TNK2: variants seen among roughly 807,000 people sequenced by gnomAD.
The protein encoded by TNK2 is tyrosine kinase non receptor 2.
TNK2 carries 83 observed loss-of-function variants against 101.8 expected under a neutral mutation model. That is an observed-to-expected ratio of 0.82 (90% CI 0.68 to 0.98). TNK2 has a LOEUF of 0.98. Among genes scored for constraint, TNK2 ranks in the 50% least tolerant of loss-of-function variants. The pLI, the probability that TNK2 is intolerant of heterozygous loss-of-function variation, is 0.00. For missense variants in TNK2, 1,665 were observed against 1,483.2 expected, an observed-to-expected ratio of 1.12 and a Z score of -2.01; for synonymous variants, 804 against 633.0, an observed-to-expected ratio of 1.27 and a Z score of -4.06.
At position 195,886,862 on chromosome 3, in the gene TNK2, G is replaced by T. The variant is rs1755842575; in HGVS notation, c.234+115C>A. The T allele has an allele frequency of 2.6e-6, 3 of 1,166,064 alleles. No individual in the cohort carries two copies. The highest frequency in any genetic ancestry group is 1.7e-5 in the Admixed American group (1 of 58,106). 72.2% of individuals were successfully genotyped at this position (1,166,064 alleles called of 1,614,324 possible). A position where few individuals can be genotyped will look rare whatever the true frequency, so the allele number is the denominator to read the frequency against. On this transcript the variant is annotated intron_variant, in intron 3 of 15. Coordinates refer to ENST00000672887, the MANE Select transcript of TNK2 (RefSeq NM_001382273.1). The surrounding 1 kb of genome is among the most constrained non-coding windows in gnomAD (Gnocchi z 4.2). Reference sequence around the variant, plus strand: ...CGAGGGGGTCCTGTACAAAGTGCCGGCAGAACGGCGAGATTCGACCTGCCG... The same window carrying T: ...CGAGGGGGTCCTGTACAAAGTGCCGTCAGAACGGCGAGATTCGACCTGCCG...
chr3:195,869,622 G>A (rs1743518033), intron 11 of TNK2, 81 bp from the exon 12 acceptor site: 5 of 1,372,728 alleles, frequency 3.6e-6, no homozygotes, highest in Admixed American at 2.0e-5. Flanking sequence ...GGACGAGAGG[G>A]CAGAGTGTAG....
At chr3:195,892,022 G>A (rs1057169926) in intron 1 of TNK2, 9 of 1,027,372 alleles carry the variant, frequency 8.8e-6, no homozygotes, top group African/African-American at 5.1e-5. Context: ...TGAGGCAAGC[G>A]GTCAGGGTCT....
At chr3:195,890,921 C>T (rs1758160757) in intron 1 of TNK2, among the ~76,000 whole-genome samples, 1 of 152,160 alleles carries the variant, frequency 6.6e-6, no homozygotes, top group Non-Finnish European at 1.5e-5. Context: ...CACGGTGTTT[C>T]CACCTGAGGT....
chr3:195,871,690 C>T (rs918789044), intron 10 of TNK2, among the ~76,000 whole-genome samples: 3 of 152,212 alleles, frequency 2.0e-5, no homozygotes, highest in African/African-American at 7.2e-5. Context: ...AGGAGTCCAT[C>T]CTCAGAAGCT....
At position 195,882,919 on chromosome 3, in the gene TNK2, ATGGGAGTAACTCTCT is replaced by A. The variant is rs1354063410; in HGVS notation, c.609+223_609+237del. 6.6e-6 allele frequency among the ~76,000 whole-genome samples: 1 copy of A among 152,146 alleles called. No homozygotes were observed. The highest frequency in any genetic ancestry group is 1.5e-5 in the Non-Finnish European group (1 of 67,998). Reference sequence around the variant, plus strand: ...TTAAACTCAGTGGCCAGCCCCTCCCATGGGAGTAACTCTCTTGACACTGAGCACCAGCAAAATCCA... The same window carrying A: ...TTAAACTCAGTGGCCAGCCCCTCCCATGACACTGAGCACCAGCAAAATCCA... On this transcript the variant is annotated intron_variant, in intron 5 of 15. Coordinates refer to ENST00000672887, the MANE Select transcript of TNK2 (RefSeq NM_001382273.1). The surrounding 1 kb of genome is among the most constrained non-coding windows in gnomAD (Gnocchi z 4.2).
chr3:195,897,474 T>C (rs565224928), intron 1 of TNK2, among the ~76,000 whole-genome samples: 79 of 152,278 alleles, frequency 5.2e-4, no homozygotes, highest in Admixed American at 2.5e-3. Flanking sequence ...AGGCCCATGG[T>C]CCAGCCCTGA....
At chr3:195,890,480 A>AGAGT (rs1491309306) in intron 1 of TNK2, among the ~76,000 whole-genome samples, 2 of 142,876 alleles carry the variant, frequency 1.4e-5, no homozygotes, top group Non-Finnish European at 3.0e-5. Context: ...TTTTTGAGAC[A>AGAGT]GAGTGAGACT....
intron 9 of TNK2, 119 bp from the exon 10 acceptor site, chr3:195,872,589 A>C: frequency 9.2e-7 from 1 of 1,087,116 alleles, no homozygotes. Context: ...CCTCAGGACC[A>C]GGCTGTGTGC....
At chr3:195,871,537 AGGGTCACAGG>A (rs373014069) in intron 10 of TNK2, among the ~76,000 whole-genome samples, 6 of 152,140 alleles carry the variant, frequency 3.9e-5, no homozygotes, top group African/African-American at 1.4e-4. Flanking sequence ...ACAGGGTCAC[AGGGTCACAGG>A]GGGCCACAGG....
intron 1 of TNK2, among the ~76,000 whole-genome samples, chr3:195,903,447 T>C (rs1402023286): frequency 6.6e-6 from 1 of 152,184 alleles, no homozygotes; most frequent in Admixed American, 6.5e-5. Flanking sequence ...CTGGGCTTGG[T>C]GGCCCACCCC....
At chr3:195,876,795 G>A (rs12494741) in intron 9 of TNK2, 127,051 of 361,100 alleles carry the variant, frequency 0.35, 23,078 homozygotes, top group East Asian at 0.47. Flanking sequence ...AGGAGCAGCC[G>A]CTCCCGGCCC....
chr3:195,893,014 CA>C (rs1348452260), intron 1 of TNK2, among the ~76,000 whole-genome samples: 1 of 151,994 alleles, frequency 6.6e-6, no homozygotes, highest in Non-Finnish European at 1.5e-5. Context: ...CAGTTGCAGA[CA>C]ACTCCTGGGA....
In TNK2 at chr3:195,867,903, G is replaced by C. The variant is rs766464064; in HGVS notation, c.2395C>G (p.Leu799Val). Residue 799 changes from leucine to valine, a missense_variant, in exon 13 of 16, where the codon CTG becomes GTG. Physicochemically the swap from Leu to Val is conservative, Grantham distance 32 (BLOSUM62 1). Coordinates refer to ENST00000672887, the MANE Select transcript of TNK2 (RefSeq NM_001382273.1). ...GGTGTCCTCGAGCCTTGAGGGGACAGGGGCTCCCGCGGAGGCACCCGGGGA... is the reference window on the plus strand; with the variant it reads ...GGTGTCCTCGAGCCTTGAGGGGACACGGGCTCCCGCGGAGGCACCCGGGGA... Reference protein sequence around the residue: ...SPPRVPPREPLSPQGSRTPSP... With the variant: ...SPPRVPPREPVSPQGSRTPSP... 19 of 1,532,116 alleles carry C rather than the reference G, an allele frequency of 1.2e-5. No homozygotes were observed. In the African/African-American group the frequency reaches 2.5e-4, roughly 20 times the overall value. 94.9% of individuals were successfully genotyped at this position (1,532,116 alleles called of 1,614,324 possible). A position where few individuals can be genotyped will look rare whatever the true frequency, so the allele number is the denominator to read the frequency against.
At position 195,867,907 on chromosome 3, in the gene TNK2, C is replaced by A. The variant is rs768190584; in HGVS notation, c.2391G>T (p.Glu797Asp). The change falls in exon 13 of 16, where the codon GAG (glutamate) becomes GAT (aspartate). Residue 797 changes from glutamate (E) to aspartate (D), a missense_variant. Glu to Asp is a conservative substitution (Grantham distance 45). This residue lies in a region of TNK2 where 1,136 missense variants were observed against 894.9 expected (regional missense o/e 1.27). Transcript: ENST00000672887. ...TCCTCGAGCCTTGAGGGGACAGGGG[C>A]TCCCGCGGAGGCACCCGGGGAGGGG... The part of the protein sequence containing the change: ...PASPPRVPPR[E>D]PLSPQGSRTP... 4 of 1,530,186 alleles carry A rather than the reference C, an allele frequency of 2.6e-6. No homozygotes were observed. The highest frequency in any genetic ancestry group is 1.3e-5 in the South Asian group (1 of 78,674). 94.8% of individuals were successfully genotyped at this position (1,530,186 alleles called of 1,614,324 possible).
rs758512468 is a variant in TNK2 at position 195,878,409 on chromosome 3, G to T, written c.1161+37C>A. The T allele has an allele frequency of 6.2e-7, 1 of 1,613,806 alleles. No individual in the cohort carries two copies. The highest frequency in any genetic ancestry group is 2.2e-5 in the East Asian group (1 of 44,872). ...TGACGCCTGGGTAGCCCCTCAGCTT[G>T]AACACCCCAGCTCTCCTGGGCTGAC... On this transcript the variant is annotated intron_variant, in intron 8 of 15. Transcript: ENST00000672887. The surrounding 1 kb of genome is among the most constrained non-coding windows in gnomAD (Gnocchi z 4.7).
chr3:195,881,820 T>C (rs1406237870), intron 6 of TNK2, among the ~76,000 whole-genome samples: 1 of 150,046 alleles, frequency 6.7e-6, no homozygotes, highest in Non-Finnish European at 1.5e-5. Flanking sequence ...CCTTGGAGAG[T>C]CCCACAGCAT....
chr3:195,864,724 G>A, intron 15 of TNK2, among the ~76,000 whole-genome samples: 1 of 144,600 alleles, frequency 6.9e-6, no homozygotes, highest in African/African-American at 2.6e-5. Context: ...AACCACCCGA[G>A]ACAGTGACAG....
intron 1 of TNK2, chr3:195,895,610 G>A: frequency 2.3e-6 from 3 of 1,298,554 alleles, no homozygotes; most frequent in Non-Finnish European, 2.9e-6. Flanking sequence ...GCCAGCCCCG[G>A]GCTGACCCCC....
chr3:195,893,950 G>A (rs751683839), intron 1 of TNK2, among the ~76,000 whole-genome samples: 2 of 152,200 alleles, frequency 1.3e-5, no homozygotes, highest in Non-Finnish European at 2.9e-5. Flanking sequence ...GTGGGGAGAA[G>A]GACACCCCCA....
Sources: allele counts gnomAD v4.1 joint callset (sites outside exome capture counted in the v4.1 genomes callset), GRCh38; gene constraint gnomAD v4.1.1; regional missense constraint gnomAD v4.1.1; non-coding constraint Gnocchi (gnomAD v3.1); transcripts MANE v1.5; gene names NCBI Gene and HGNC (gene_info 2026-07-23, HGNC 2026-07-21).